Variants in CTNND2 observed in about 807,000 individuals in gnomAD.
CTNND2 encodes catenin delta-2.
Under a neutral mutation model 144.4 loss-of-function variants are expected in CTNND2, and 22 were observed. The observed-to-expected ratio is 0.15, with a 90% CI of 0.11 to 0.22. The LOEUF is 0.22. CTNND2 is among the 10% of genes least tolerant of loss of function. The pLI is 1.00. For missense variants in CTNND2, 1,353 were observed against 1,618.8 expected (o/e 0.84, Z 2.82); for synonymous variants, 751 against 695.6 (o/e 1.08, Z -1.25).
chr5:11,431,489 T>C (rs1277328571), intron 3 of CTNND2, among the ~76,000 whole-genome samples: 2 of 152,214 alleles, frequency 1.3e-5, no homozygotes, highest in African/African-American at 2.4e-5. Flanking sequence ...TCTGAAGCTT[T>C]CTAGCATCTT....
chr5:11,523,691 C>A (rs1772959379), intron 3 of CTNND2, among the ~76,000 whole-genome samples: 1 of 152,196 alleles, frequency 6.6e-6, no homozygotes, highest in South Asian at 2.1e-4. Flanking sequence ...CTGAAAAGAA[C>A]TAATGCACCG....
chr5:11,746,733 G>A (rs1028140144), intron 1 of CTNND2, among the ~76,000 whole-genome samples: 2 of 152,040 alleles, frequency 1.3e-5, no homozygotes, highest in Non-Finnish European at 1.5e-5. Context: ...TAACCTCAGT[G>A]CCTAGAATAA....
intron 10 of CTNND2, among the ~76,000 whole-genome samples, chr5:11,220,576 T>A (rs968361010): frequency 1.3e-5 from 2 of 152,178 alleles, no homozygotes; most frequent in Non-Finnish European, 2.9e-5. Flanking sequence ...TTTGATCACC[T>A]GGGGTCAGTA....
At chr5:11,209,588 T>C (rs759714616) in intron 10 of CTNND2, among the ~76,000 whole-genome samples, 5 of 152,196 alleles carry the variant, frequency 3.3e-5, no homozygotes, top group Non-Finnish European at 5.9e-5. Context: ...TGAGGAGTCC[T>C]GAACACAAAC....
At chr5:11,631,523 G>A (rs544595572) in intron 2 of CTNND2, among the ~76,000 whole-genome samples, 54 of 152,274 alleles carry the variant, frequency 3.5e-4, no homozygotes, top group Non-Finnish European at 6.8e-4. Context: ...TGTGAGAGAA[G>A]CTGTACTCTA....
At chr5:11,296,094 A>ATGG (rs1465431502) in intron 9 of CTNND2, among the ~76,000 whole-genome samples, 2 of 130,856 alleles carry the variant, frequency 1.5e-5, no homozygotes, top group African/African-American at 2.9e-5. Context: ...TCTGACAAGT[A>ATGG]CTAATATCCA....
chr5:11,843,107 T>G (rs1794559183), intron 1 of CTNND2, among the ~76,000 whole-genome samples: 4 of 152,240 alleles, frequency 2.6e-5, no homozygotes, highest in Admixed American at 2.6e-4. Flanking sequence ...GTCATCACTC[T>G]GACAGATCCA....
intron 2 of CTNND2, among the ~76,000 whole-genome samples, chr5:11,639,800 A>G (rs1781898499): frequency 6.6e-6 from 1 of 152,180 alleles, no homozygotes; most frequent in African/African-American, 2.4e-5. Flanking sequence ...CATGGAAACT[A>G]AACATACACT....
At chr5:11,646,373 C>G (rs1044788277) in intron 2 of CTNND2, among the ~76,000 whole-genome samples, 1 of 152,126 alleles carries the variant, frequency 6.6e-6, no homozygotes, top group Non-Finnish European at 1.5e-5. Context: ...GTCATCAAGA[C>G]GGCAGACAGC....
intron 3 of CTNND2, among the ~76,000 whole-genome samples, chr5:11,445,485 A>G (rs1204530437): frequency 2.0e-5 from 3 of 152,184 alleles, no homozygotes; most frequent in Non-Finnish European, 4.4e-5. Flanking sequence ...TGCAACTGTG[A>G]GAGTATCGGG....
At chr5:11,319,509 T>G (rs1751826090) in intron 9 of CTNND2, among the ~76,000 whole-genome samples, 1 of 152,130 alleles carries the variant, frequency 6.6e-6, no homozygotes, top group Admixed American at 6.6e-5. Flanking sequence ...CTTTATTTAT[T>G]TATTCGTTTA....
At chr5:11,330,315 C>CAAAA (rs1257414767) in intron 9 of CTNND2, among the ~76,000 whole-genome samples, 1,088 of 82,274 alleles carry the variant, frequency 0.013, 32 homozygotes, top group African/African-American at 0.044. Context: ...ACTAAAAATA[C>CAAAA]AAAAAAAAAA....
intron 9 of CTNND2, among the ~76,000 whole-genome samples, chr5:11,313,677 G>A (rs1751214359): frequency 6.6e-6 from 1 of 152,192 alleles, no homozygotes; most frequent in African/African-American, 2.4e-5. Context: ...GTTTGCAGCT[G>A]AAATAGCTGC....
At chr5:11,504,087 G>A (rs966366382) in intron 3 of CTNND2, among the ~76,000 whole-genome samples, 2 of 152,270 alleles carry the variant, frequency 1.3e-5, no homozygotes, top group Non-Finnish European at 2.9e-5. Context: ...ATTTATCACC[G>A]ACATTCTCTG....
At chr5:11,357,277 C>A (rs913076045) in intron 8 of CTNND2, among the ~76,000 whole-genome samples, 1 of 152,056 alleles carries the variant, frequency 6.6e-6, no homozygotes, top group Non-Finnish European at 1.5e-5. Flanking sequence ...GGGAATCAAC[C>A]TATGTGTCCA....
Position 11,645,422 on chromosome 5 carries a change from T to C in CTNND2, c.175-80366A>G, listed in dbSNP as rs1214383497. 2.0e-5 allele frequency among the ~76,000 whole-genome samples: 3 copies of C among 152,354 alleles called. No individual in the cohort carries two copies. In the East Asian group the frequency reaches 5.8e-4, roughly 29 times the overall value. Reference sequence around the variant, plus strand: ...TCTTCACAACACTATTTTTAAAAAGTTACATTAAAAACACTTTGTATTTGC... The same window carrying C: ...TCTTCACAACACTATTTTTAAAAAGCTACATTAAAAACACTTTGTATTTGC... On this transcript the variant is annotated intron_variant, in intron 2 of 21. Coordinates refer to ENST00000304623, the MANE Select transcript of CTNND2 (RefSeq NM_001332.4).
chr5:11,896,081 G>A (rs1737372599), intron 1 of CTNND2, among the ~76,000 whole-genome samples: 1 of 152,122 alleles, frequency 6.6e-6, no homozygotes, highest in South Asian at 2.1e-4. Context: ...GTTCTAGGAA[G>A]TAATCTAGAG....
Position 11,045,392 on chromosome 5 carries a change from T to C in CTNND2, c.2789-22413A>G, listed in dbSNP as rs75745021. Among the ~76,000 whole-genome samples, 798 of 152,182 alleles carry C rather than the reference T, an allele frequency of 5.2e-3. 6 individuals are homozygous for C. Among genetic ancestry groups the C allele is most frequent in the African/African-American group, 0.018 (746 of 41,512 alleles). ...GAGGGAGGGGGGGAAGGTGCCAGGC[T>C]CTGTTTATAACAATCAGATCTTGCA... On this transcript the variant is annotated intron_variant, in intron 16 of 21. Coordinates refer to ENST00000304623, the MANE Select transcript of CTNND2 (RefSeq NM_001332.4).
At chr5:11,679,290 A>T (rs1198707130) in intron 2 of CTNND2, among the ~76,000 whole-genome samples, 1 of 152,156 alleles carries the variant, frequency 6.6e-6, no homozygotes, top group Non-Finnish European at 1.5e-5. Flanking sequence ...TTATGTACTC[A>T]ATCCATTCAG....
Sources: gnomAD v4.1 joint callset for allele counts (sites outside exome capture counted in the v4.1 genomes callset) on GRCh38, gnomAD v4.1.1 for gene constraint, MANE v1.5 for transcripts, NCBI Gene and HGNC (gene_info 2026-07-23, HGNC 2026-07-21) for gene names.